Variants in DNAAF9 observed in about 807,000 individuals in gnomAD.
DNAAF9 encodes the protein shulin.
DNAAF9 carries 90 observed loss-of-function variants against 167.0 expected under a neutral mutation model. That is an observed-to-expected ratio of 0.54 (90% CI 0.45 to 0.64). The LOEUF is 0.64. Among genes scored for constraint, DNAAF9 ranks in the 30% least tolerant of loss-of-function variants. DNAAF9 has a pLI of 0.00. For synonymous variants in DNAAF9, 491 were observed against 508.8 expected (o/e 0.96, Z 0.47); for missense variants, 1,315 against 1,442.2 (o/e 0.91, Z 1.43).
chr20:3,281,334 T>C (rs2068761105), intron 28 of DNAAF9, among the ~76,000 whole-genome samples: 1 of 152,214 alleles, frequency 6.6e-6, no homozygotes, highest in East Asian at 1.9e-4. Context: ...TGGCCTTAAA[T>C]TATTTTTTAA....
chr20:3,359,127 C>T (rs1176561943), intron 7 of DNAAF9, among the ~76,000 whole-genome samples: 1 of 152,118 alleles, frequency 6.6e-6, no homozygotes, highest in Non-Finnish European at 1.5e-5. Context: ...AAAAAGTTTG[C>T]CCCCCGGGCT....
intron 30 of DNAAF9, among the ~76,000 whole-genome samples, chr20:3,269,518 T>C (rs2068554274): frequency 2.0e-5 from 3 of 152,186 alleles, no homozygotes; most frequent in African/African-American, 7.2e-5. Flanking sequence ...ACGTTCTCTA[T>C]GCCATTTCTT....
At chr20:3,296,558 G>T in intron 23 of DNAAF9, 1 of 342,782 alleles carries the variant, frequency 2.9e-6, no homozygotes, top group East Asian at 5.7e-5. Flanking sequence ...TTTATTTTTT[G>T]TAGGGACGGG....
chr20:3,401,874 G>A (rs373649584), intron 1 of DNAAF9, among the ~76,000 whole-genome samples: 2,132 of 149,836 alleles, frequency 0.014, 47 homozygotes, highest in African/African-American at 0.049. Context: ...GGGCTCCCCC[G>A]CCCCCTTTTG....
rs1555793067 is a variant in DNAAF9 at position 3,332,900 on chromosome 20, G to GGGGT, written c.982-540_982-539insACCC. ...CATGCGTGTGTGCGTGTGTGCGTGT[G>GGGGT]GTGTGTGTGTGTGTGTGTGTGTGTG... On this transcript the variant is annotated intron_variant, in intron 10 of 36. Transcript: ENST00000252032. Among the ~76,000 whole-genome samples, 138 of 146,936 alleles carry GGGGT rather than the reference G, an allele frequency of 9.4e-4. 1 individual carries two copies. The highest frequency in any genetic ancestry group is 3.3e-3 in the African/African-American group (132 of 39,884).
intron 7 of DNAAF9, among the ~76,000 whole-genome samples, chr20:3,352,675 C>T (rs1167631766): frequency 6.6e-6 from 1 of 152,078 alleles, no homozygotes; most frequent in East Asian, 1.9e-4. Flanking sequence ...AGAGATATTA[C>T]AGGAATTAAG....
At chr20:3,274,881 G>A (rs1310095537) in intron 29 of DNAAF9, among the ~76,000 whole-genome samples, 6 of 152,206 alleles carry the variant, frequency 3.9e-5, no homozygotes, top group African/African-American at 1.4e-4. Flanking sequence ...AGCTACACTC[G>A]TGGTTTAGAT....
intron 6 of DNAAF9, among the ~76,000 whole-genome samples, chr20:3,368,358 C>T (rs1421209344): frequency 6.6e-6 from 1 of 152,088 alleles, no homozygotes; most frequent in Non-Finnish European, 1.5e-5. Flanking sequence ...AATCAGGATT[C>T]CTCACTGCCT....
intron 3 of DNAAF9, among the ~76,000 whole-genome samples, chr20:3,379,137 C>T (rs191730370): frequency 7.2e-5 from 11 of 151,940 alleles, no homozygotes; most frequent in African/African-American, 2.2e-4. Context: ...TAAAATGTAA[C>T]ATGCCTCAAA....
In DNAAF9 at chr20:3,382,464, G is replaced by A. The variant is rs777974262; in HGVS notation, c.126C>T (p.Ser42=). Residue 42 remains serine, a synonymous_variant, in exon 2 of 37, where the codon AGC becomes AGT. Transcript: ENST00000252032. The part of the protein sequence containing the change: ...LRQVQSILTQ[S]SKSRPDGILC... ...GGATCCCATCCGGCCGAGACTTGCT[G>A]CTCTGGGTCAGGATGCTCTGAACCT... 3 of 1,613,942 alleles carry A rather than the reference G, an allele frequency of 1.9e-6. No homozygotes were observed. Among genetic ancestry groups the A allele is most frequent in the East Asian group, 4.5e-5 (2 of 44,876 alleles).
chr20:3,270,078 C>T (rs1477924917), intron 30 of DNAAF9, among the ~76,000 whole-genome samples: 1 of 151,708 alleles, frequency 6.6e-6, no homozygotes, highest in Non-Finnish European at 1.5e-5. Context: ...TCAAGATCCT[C>T]CCACCTCAGC....
intron 16 of DNAAF9, among the ~76,000 whole-genome samples, chr20:3,321,467 T>C (rs1316238972): frequency 6.6e-6 from 1 of 152,240 alleles, no homozygotes; most frequent in Non-Finnish European, 1.5e-5. Context: ...AAAAATACAG[T>C]ATTATGATAT....
rs1023515318 is a variant in DNAAF9, at chr20:3,285,443, C to T, written c.2486+2189G>A. Among the ~76,000 whole-genome samples, 4 of 152,218 alleles carry T rather than the reference C, an allele frequency of 2.6e-5. No individual in the cohort carries two copies. In the South Asian group the frequency reaches 8.3e-4, roughly 32 times the overall value. The stretch of plus-strand genomic sequence containing the variant: ...CCTGTAATCCCAGCACTCTGGGAGG[C>T]CAAGGCAGGCGGATCACTTGAGGTC... On this transcript the variant is annotated intron_variant, in intron 27 of 36. Coordinates refer to ENST00000252032, the MANE Select transcript of DNAAF9 (RefSeq NM_001009984.3).
intron 10 of DNAAF9, among the ~76,000 whole-genome samples, chr20:3,334,030 CAAG>C (rs2069890446): frequency 6.6e-6 from 1 of 152,164 alleles, no homozygotes; most frequent in African/African-American, 2.4e-5. Context: ...CTATAAAAAA[CAAG>C]AAGAACCTCA....
At chr20:3,362,349 GT>G in intron 6 of DNAAF9, 2 of 641,644 alleles carry the variant, frequency 3.1e-6, no homozygotes, top group Non-Finnish European at 5.4e-6. Flanking sequence ...GCTTGAAGCG[GT>G]TTATTAATAA....
At chr20:3,390,257 A>G (rs1035619303) in intron 1 of DNAAF9, among the ~76,000 whole-genome samples, 4 of 152,148 alleles carry the variant, frequency 2.6e-5, no homozygotes, top group African/African-American at 9.7e-5. Flanking sequence ...AAGGTTTGAC[A>G]TAAAAGAAGA....
intron 17 of DNAAF9, 135 bp downstream of exon 17, chr20:3,318,154 G>A (rs551784306): frequency 4.8e-6 from 2 of 420,244 alleles, no homozygotes; most frequent in Non-Finnish European, 8.6e-6. Context: ...TGAGGCTGGA[G>A]TGCAGTGCTG....
At chr20:3,387,540 T>C (rs1380003692) in intron 1 of DNAAF9, among the ~76,000 whole-genome samples, 2 of 152,084 alleles carry the variant, frequency 1.3e-5, no homozygotes, top group African/African-American at 4.8e-5. Flanking sequence ...AAAACTTTTA[T>C]AACAAAACAC....
chr20:3,347,420 G>A (rs1397365559), intron 8 of DNAAF9, among the ~76,000 whole-genome samples: 2 of 152,126 alleles, frequency 1.3e-5, no homozygotes, highest in Admixed American at 6.5e-5. Context: ...CAAGGAGAAG[G>A]ATGCCAAGGG....
Sources: allele counts gnomAD v4.1 joint callset (sites outside exome capture counted in the v4.1 genomes callset), GRCh38; gene constraint gnomAD v4.1.1; transcripts MANE v1.5; gene names NCBI Gene and HGNC (gene_info 2026-07-23, HGNC 2026-07-21).